MYOZ3: variants seen among roughly 807,000 people sequenced by gnomAD.
MYOZ3 encodes the protein myozenin 3.
In MYOZ3, 19 loss-of-function variants were observed where a neutral mutation model predicts 26.5. The observed-to-expected ratio is 0.72, with a 90% confidence interval of 0.50 to 1.05. The LOEUF (loss-of-function observed/expected upper bound fraction) is 1.05, where lower values mean the gene tolerates loss of function less well. Among genes scored for constraint, MYOZ3 ranks in the 50% least tolerant of loss-of-function variants. The probability of loss-of-function intolerance (pLI) is 0.00; values close to 1 mark genes in which losing one functional copy is unlikely to be tolerated. For missense variants in MYOZ3, 322 were observed against 337.1 expected, an observed-to-expected ratio of 0.96 and a Z score of 0.35; for synonymous variants, 135 against 138.8, an observed-to-expected ratio of 0.97 and a Z score of 0.19.
chr5:150,672,850 A>G (rs73276174), intron 6 of MYOZ3: 15,100 of 260,718 alleles, frequency 0.058, 2,014 homozygotes, highest in African/African-American at 0.29. Context: ...CAGGGCCGGG[A>G]TTCAGGTCTG....
At chr5:150,672,665 C>A in intron 6 of MYOZ3, 163 bp downstream of exon 6, 2 of 749,170 alleles carry the variant, frequency 2.7e-6, no homozygotes, top group African/African-American at 1.8e-5. Flanking sequence ...CGCCTCCGCA[C>A]CTGGTAGGTG....
rs915653852 is a variant in MYOZ3 at position 150,671,459 on chromosome 5, T to C, written c.217-138T>C. The C allele has an allele frequency of 4.8e-6, 4 of 840,882 alleles. No individual in the cohort carries two copies. The South Asian group carries it at 6.6e-5, about 14-fold the overall frequency. The allele number at this position is 840,882 out of a possible 1,614,324, so 52.1% of individuals were successfully genotyped here. A position where few individuals can be genotyped will look rare whatever the true frequency, so the allele number is the denominator to read the frequency against. ...AGGCACTGGGTTTAGCGTTGTAAAC[T>C]AGTAACTCATCCTTGTTCCCCGATG... On this transcript the variant is annotated intron_variant, in intron 3 of 6. Coordinates refer to ENST00000517768, the MANE Select transcript of MYOZ3 (RefSeq NM_001122853.3).
chr5:150,670,297 A>G, intron 2 of MYOZ3, 187 bp from the exon 3 acceptor site: 5 of 537,104 alleles, frequency 9.3e-6, no homozygotes, highest in Non-Finnish European at 1.5e-5. Context: ...ACACATGCAA[A>G]TTAAACTCTG....
Position 150,671,631 on chromosome 5 carries a change from G to A in MYOZ3, c.251G>A (p.Gly84Glu), listed in dbSNP as rs747108482. 1 of 1,613,896 alleles carries A rather than the reference G, an allele frequency of 6.2e-7. No homozygotes were observed. The highest frequency in any genetic ancestry group is 1.7e-5 in the Admixed American group (1 of 60,024). ...LAGSARRKVT[G>E]TAESGTVANA... ...GGAAGCGCCAGGAGGAAGGTGACTG[G>A]AACAGCGGAGTCGGGGACGGTGAGC... is the stretch of plus-strand genomic sequence containing the variant. The change falls in exon 4 of 7, where the codon GGA (glycine) becomes GAA (glutamate). Residue 84 changes from glycine (G) to glutamate (E), a missense_variant. By Grantham distance (98) the Gly-to-Glu change is moderately conservative (BLOSUM62 -2). Coordinates refer to ENST00000517768, the MANE Select transcript of MYOZ3 (RefSeq NM_001122853.3).
At chr5:150,663,039 C>T in intron 2 of MYOZ3, 37 bp downstream of exon 2, 1 of 1,554,998 alleles carries the variant, frequency 6.4e-7, no homozygotes, top group South Asian at 1.2e-5. Context: ...CCTCAGACTC[C>T]ATCATTTCCT....
At chr5:150,673,626 C>T (rs968356509) in intron 6 of MYOZ3, among the ~76,000 whole-genome samples, 3 of 152,198 alleles carry the variant, frequency 2.0e-5, no homozygotes, top group African/African-American at 7.2e-5. Flanking sequence ...AGGCATGAGC[C>T]ACCGCCCCCG....
chr5:150,663,090 C>A, intron 2 of MYOZ3, 88 bp downstream of exon 2: 2 of 1,152,940 alleles, frequency 1.7e-6, no homozygotes, highest in Non-Finnish European at 1.2e-6. Context: ...TGGCCCCAGG[C>A]CTGGGCAGAC....
At chr5:150,661,782 G>T (rs565728721) in intron 1 of MYOZ3, among the ~76,000 whole-genome samples, 64 of 152,286 alleles carry the variant, frequency 4.2e-4, no homozygotes, top group Non-Finnish European at 7.9e-4. Flanking sequence ...ACAGATCTGT[G>T]GACTGTGGAA....
At chr5:150,675,251 T>TGTGTGTGTGTGTGTG (rs1264307768) in intron 6 of MYOZ3, among the ~76,000 whole-genome samples, 5 of 152,180 alleles carry the variant, frequency 3.3e-5, no homozygotes, top group African/African-American at 1.2e-4. Flanking sequence ...GGTGTGTGTG[T>TGTGTGTGTGTGTGTG]TAATACTTTG....
At chr5:150,662,628 G>A (rs1177314273) in intron 1 of MYOZ3, among the ~76,000 whole-genome samples, 1 of 152,150 alleles carries the variant, frequency 6.6e-6, no homozygotes, top group East Asian at 1.9e-4. Flanking sequence ...GATGCCCCTG[G>A]CACCTACTCT....
chr5:150,678,176 A>G lies in MYOZ3; in HGVS notation c.*1301A>G, dbSNP rs566544126. 6.6e-6 allele frequency: 1 copy of G among 152,502 alleles called. No homozygotes were observed. The highest frequency in any genetic ancestry group is 2.1e-4 in the South Asian group (1 of 4,820). 9.4% of individuals were successfully genotyped at this position (152,502 alleles called of 1,614,324 possible). On this transcript the variant is annotated 3_prime_UTR_variant, in exon 7 of 7. Transcript: ENST00000517768. ...AAGGGATGAGGCCATGGGAATGGAG[A>G]GAAGGGGCCACCCACTGGGCACCTA...
In MYOZ3 at chr5:150,677,974, T is replaced by G. The variant is rs1192975650; in HGVS notation, c.*1099T>G. 6.6e-6 allele frequency: 1 copy of G among 152,420 alleles called. No homozygotes were observed. Among genetic ancestry groups the G allele is most frequent in the East Asian group, 1.9e-4 (1 of 5,178 alleles). 9.4% of individuals were successfully genotyped at this position (152,420 alleles called of 1,614,324 possible). A position where few individuals can be genotyped will look rare whatever the true frequency, so the allele number is the denominator to read the frequency against. On this transcript the variant is annotated 3_prime_UTR_variant, in exon 7 of 7. Coordinates refer to ENST00000517768, the MANE Select transcript of MYOZ3 (RefSeq NM_001122853.3). Reference sequence around the variant, plus strand: ...ACCAGCATGTGCAAAAATATGGAACTGAGCACGGGTGCAGGGTGTTCTGCA... The same window carrying G: ...ACCAGCATGTGCAAAAATATGGAACGGAGCACGGGTGCAGGGTGTTCTGCA...
At chr5:150,662,415 G>C (rs1581530229) in intron 1 of MYOZ3, among the ~76,000 whole-genome samples, 2 of 152,232 alleles carry the variant, frequency 1.3e-5, no homozygotes, top group South Asian at 4.1e-4. Flanking sequence ...TGCTTGGTTG[G>C]ACCAGCCTGT....
chr5:150,663,911 T>A (rs1758771326), intron 2 of MYOZ3, among the ~76,000 whole-genome samples: 1 of 151,606 alleles, frequency 6.6e-6, no homozygotes. Context: ...GAGGATCGTT[T>A]GAGCCTAGGA....
intron 2 of MYOZ3, among the ~76,000 whole-genome samples, chr5:150,666,817 G>C (rs1179554425): frequency 2.6e-5 from 4 of 151,270 alleles, no homozygotes; most frequent in Admixed American, 6.6e-5. Flanking sequence ...CTGGAGCACA[G>C]TGACATGATC....
chr5:150,676,660 G>A (rs1381475972), intron 6 of MYOZ3, 47 bp from the exon 7 acceptor site: 2 of 1,587,932 alleles, frequency 1.3e-6, no homozygotes, highest in African/African-American at 2.7e-5. Context: ...GTGTACTGCT[G>A]TCCCTGTTCC....
Position 150,670,605 on chromosome 5 carries a change from G to A in MYOZ3, c.183G>A (p.Lys61=), listed in dbSNP as rs778603838. The change falls in exon 3 of 7, where the codon AAG becomes AAA. Residue 61 remains lysine, a synonymous_variant. Transcript: ENST00000517768. The part of the protein sequence containing the change: ...LFQKRQRRVQ[K]FTFELAASQR... ...AGAAGAGGCAGCGCCGTGTGCAGAA[G>A]TTCACTTTCGAGTTAGCAGCCAGCC... 1.2e-6 allele frequency: 2 copies of A among 1,612,184 alleles called. No individual in the cohort carries two copies. Among genetic ancestry groups the A allele is most frequent in the East Asian group, 4.5e-5 (2 of 44,810 alleles).
chr5:150,676,537 C>G (rs1759009437), intron 6 of MYOZ3, among the ~76,000 whole-genome samples, 170 bp from the exon 7 acceptor site: 1 of 116,740 alleles, frequency 8.6e-6, no homozygotes, highest in African/African-American at 5.4e-5. Context: ...GAGCGAGACT[C>G]TGTCTCAAAA....
chr5:150,663,834 A>G (rs1399298790), intron 2 of MYOZ3, among the ~76,000 whole-genome samples: 1 of 151,666 alleles, frequency 6.6e-6, no homozygotes, highest in Admixed American at 6.6e-5. Flanking sequence ...ATCTCTACAA[A>G]AAAAAAAAAT....
Sources: gnomAD v4.1 joint callset for allele counts (sites outside exome capture counted in the v4.1 genomes callset) on GRCh38, gnomAD v4.1.1 for gene constraint, MANE v1.5 for transcripts, NCBI Gene and HGNC (gene_info 2026-07-23, HGNC 2026-07-21) for gene names.